The following LTK variants were observed in gnomAD, a reference collection of about 807,000 sequenced individuals.
LTK encodes leukocyte receptor tyrosine kinase, also known as leukocyte tyrosine kinase receptor.
Under a neutral mutation model 101.5 loss-of-function variants are expected in LTK, and 117 were observed. That is an observed-to-expected ratio of 1.15 (90% CI 0.99 to 1.34). LTK has a LOEUF of 1.34. Among genes scored for constraint, LTK ranks in the 40% most tolerant of loss-of-function variants. The probability of loss-of-function intolerance (pLI) is 0.00; values close to 1 mark genes in which losing one functional copy is unlikely to be tolerated. For synonymous variants in LTK, 563 were observed against 494.2 expected (o/e 1.14, Z -1.85); for missense variants, 1,252 against 1,164.7 (o/e 1.07, Z -1.09).
At position 41,507,294 on chromosome 15, in the gene LTK, G is replaced by A. The variant is rs199683834; in HGVS notation, c.1346-4C>T. 81 of 1,590,886 alleles carry A rather than the reference G, an allele frequency of 5.1e-5. No individual in the cohort carries two copies. Among genetic ancestry groups the A allele is most frequent in the Non-Finnish European group, 6.2e-5 (72 of 1,168,810 alleles). ...CCCTGCCACTTCTTCTGCTTCACTG[G>A]GGGTGGGAAGAATAACGGCACACCC... is the stretch of plus-strand genomic sequence containing the variant. On this transcript the variant is annotated splice_polypyrimidine_tract_variant and splice_region_variant and intron_variant, in intron 10 of 19. Coordinates refer to ENST00000263800, the MANE Select transcript of LTK (RefSeq NM_002344.6).
Position 41,511,134 on chromosome 15 carries a change from C to G in LTK, c.997+30G>C. The G allele has an allele frequency of 9.4e-6, 13 of 1,380,926 alleles. No homozygotes were observed. Among genetic ancestry groups the G allele is most frequent in the Non-Finnish European group, 1.2e-5 (13 of 1,073,134 alleles). The allele number at this position is 1,380,926 out of a possible 1,614,324, so 85.5% of individuals were successfully genotyped here. A position where few individuals can be genotyped will look rare whatever the true frequency, so the allele number is the denominator to read the frequency against. On this transcript the variant is annotated intron_variant, in intron 7 of 19. Transcript: ENST00000263800. The surrounding 1 kb of genome is among the most constrained non-coding windows in gnomAD (Gnocchi z 5.9). Reference sequence around the variant, plus strand: ...TAACATCACCTCACCCTCGGGCCTGCTCAGCTGCCCTCTCCAACGGTGCAC... The same window carrying G: ...TAACATCACCTCACCCTCGGGCCTGGTCAGCTGCCCTCTCCAACGGTGCAC...
At chr15:41,507,754 T>G (rs1322284146) in intron 9 of LTK, 97 bp from the exon 10 acceptor site, 36 of 1,304,070 alleles carry the variant, frequency 2.8e-5, no homozygotes, top group Middle Eastern at 1.9e-4. Context: ...AAGTGTTAAT[T>G]TTTCCATGAT....
Position 41,507,607 on chromosome 15 carries a change from T to G in LTK, c.1300A>C (p.Thr434Pro). The change falls in exon 10 of 20, where the codon ACC becomes CCC. Residue 434 changes from threonine (T) to proline (P), a missense_variant. By Grantham distance (38) the Thr-to-Pro change is conservative (BLOSUM62 -1). Transcript: ENST00000263800. ...ACCATAAGGAGGCTCAGTGTTGAGG[T>G]TGCCACCACAGCCACCATCAGAACC... is the stretch of plus-strand genomic sequence containing the variant. ...PLVLMVAVVA[T>P]STLSLLMVCG... is the part of the protein sequence containing the mutation. 6.2e-7 allele frequency: 1 copy of G among 1,613,906 alleles called. No individual in the cohort carries two copies. The highest frequency in any genetic ancestry group is 8.5e-7 in the Non-Finnish European group (1 of 1,179,976).
chr15:41,509,245 A>C, intron 7 of LTK, 116 bp from the exon 8 acceptor site: 2 of 726,510 alleles, frequency 2.8e-6, no homozygotes, highest in Non-Finnish European at 5.0e-6. Flanking sequence ...CATGATGCAA[A>C]TGCTGTCTGT....
chr15:41,511,133 G>A lies in LTK; in HGVS notation c.997+31C>T, dbSNP rs1425963632. Reference sequence around the variant, plus strand: ...CTAACATCACCTCACCCTCGGGCCTGCTCAGCTGCCCTCTCCAACGGTGCA... The same window carrying A: ...CTAACATCACCTCACCCTCGGGCCTACTCAGCTGCCCTCTCCAACGGTGCA... On this transcript the variant is annotated intron_variant, in intron 7 of 19. Transcript: ENST00000263800. The surrounding 1 kb of genome is among the most constrained non-coding windows in gnomAD (Gnocchi z 5.9). 2 of 1,379,840 alleles carry A rather than the reference G, an allele frequency of 1.4e-6. No homozygotes were observed. Among genetic ancestry groups the A allele is most frequent in the South Asian group, 1.8e-5 (1 of 56,194 alleles). 85.5% of individuals were successfully genotyped at this position (1,379,840 alleles called of 1,614,324 possible).
intron 7 of LTK, among the ~76,000 whole-genome samples, chr15:41,509,617 T>C (rs763146814): frequency 1.2e-4 from 19 of 152,074 alleles, no homozygotes; most frequent in Non-Finnish European, 2.2e-4. Context: ...TCCCAGCACT[T>C]TGGGAGGCCG....
intron 15 of LTK, 29 bp from the exon 16 acceptor site, chr15:41,505,093 C>T: frequency 6.3e-7 from 1 of 1,594,370 alleles, no homozygotes; most frequent in East Asian, 2.2e-5. Context: ...AAATCACTGC[C>T]AGAATCTAGA....
Position 41,507,292 on chromosome 15 carries a change from T to C in LTK, c.1346-2A>G, listed in dbSNP as rs2140709185. The stretch of plus-strand genomic sequence containing the variant: ...GGCCCTGCCACTTCTTCTGCTTCAC[T>C]GGGGGTGGGAAGAATAACGGCACAC... On this transcript the variant is annotated splice_acceptor_variant, in intron 10 of 19. Coordinates refer to ENST00000263800, the MANE Select transcript of LTK (RefSeq NM_002344.6). LOFTEE classifies it high-confidence loss of function. The C allele has an allele frequency of 6.3e-7, 1 of 1,592,960 alleles. No individual in the cohort carries two copies.
At position 41,505,048 on chromosome 15, in the gene LTK, T is replaced by G. The variant is rs752979534; in HGVS notation, c.1942A>C (p.Asn648His). The change falls in exon 16 of 20, where the codon AAC becomes CAC. Residue 648 changes from asparagine to histidine, a missense_variant. Asn to His is a moderately conservative substitution (Grantham distance 68). Coordinates refer to ENST00000263800, the MANE Select transcript of LTK (RefSeq NM_002344.6). ...GGTCCAGCGCAGCTCAGCAGGCAGTTCCGGGCGGCAATATCCCTACAGAGT... is the reference window on the plus strand; with the variant it reads ...GGTCCAGCGCAGCTCAGCAGGCAGTGCCGGGCGGCAATATCCCTACAGAGT... ...HFIHRDIAAR[N>H]CLLSCAGPSR... 3 of 1,613,300 alleles carry G rather than the reference T, an allele frequency of 1.9e-6. No individual in the cohort carries two copies. Among genetic ancestry groups the G allele is most frequent in the South Asian group, 1.1e-5 (1 of 91,024 alleles).
At chr15:41,510,461 GT>G (rs954084674) in intron 7 of LTK, among the ~76,000 whole-genome samples, 12 of 146,116 alleles carry the variant, frequency 8.2e-5, no homozygotes, top group South Asian at 4.5e-4. Flanking sequence ...AATTTCCATT[GT>G]TTTTTTTTTA....
rs759313855 is a variant in LTK, at chr15:41,504,564, G to A, written c.2197C>T (p.Leu733=). Reference sequence around the variant, plus strand: ...CGGCCTCCTCCAACGACGAAGTCCAGCACCTCCTGGTTGGTGCGCCCAGGA... The same window carrying A: ...CGGCCTCCTCCAACGACGAAGTCCAACACCTCCTGGTTGGTGCGCCCAGGA... ...PYPGRTNQEV[L]DFVVGGGRMD... The change falls in exon 18 of 20, where the codon CTG becomes TTG. Residue 733 remains leucine (L), a synonymous_variant. Coordinates refer to ENST00000263800, the MANE Select transcript of LTK (RefSeq NM_002344.6). 1 of 1,613,876 alleles carries A rather than the reference G, an allele frequency of 6.2e-7. No homozygotes were observed. The highest frequency in any genetic ancestry group is 1.1e-5 in the South Asian group (1 of 91,084).
Position 41,504,004 on chromosome 15 carries a change from G to C in LTK, c.2587C>G (p.Arg863Gly), listed in dbSNP as rs761960490. ...TCAGGGCCCCTTGGGGCTCAGGAGC[G>C]ATAAGTGGGATTCCAAAGGTTCTGA... ...QPQNLWNPTYRS is the reference protein window; with the variant it reads ...QPQNLWNPTYGS Residue 863 changes from arginine to glycine, a missense_variant, in exon 20 of 20, where the codon CGC becomes GGC. Physicochemically the swap from Arg to Gly is moderately radical, Grantham distance 125. Transcript: ENST00000263800. 2 of 1,603,850 alleles carry C rather than the reference G, an allele frequency of 1.2e-6. No homozygotes were observed. The highest frequency in any genetic ancestry group is 4.5e-5 in the East Asian group (2 of 44,756).
Position 41,511,744 on chromosome 15 carries a change from G to A in LTK, c.657+73C>T. The A allele has an allele frequency of 1.4e-6, 2 of 1,444,992 alleles. No individual in the cohort carries two copies. Among genetic ancestry groups the A allele is most frequent in the South Asian group, 2.8e-5 (2 of 71,792 alleles). 89.5% of individuals were successfully genotyped at this position (1,444,992 alleles called of 1,614,324 possible). A position where few individuals can be genotyped will look rare whatever the true frequency, so the allele number is the denominator to read the frequency against. ...GATAGGGGGACCCCAAGGGACGGAC[G>A]GAGAGCCGGTGCGTGAGCGCCCCTG... On this transcript the variant is annotated intron_variant, in intron 5 of 19. Coordinates refer to ENST00000263800, the MANE Select transcript of LTK (RefSeq NM_002344.6). This position sits in a 1 kb window ranked among gnomAD's most constrained non-coding sequence, Gnocchi z 5.9.
rs2051239089 is a variant in LTK, at chr15:41,505,386, A to G, written c.1827+15T>C. ...TCTTTAGAGGGGCCTGGGGGGGCTA[A>G]GACAAGGGTCTCACCAGGTGTGGCC... is the stretch of plus-strand genomic sequence containing the variant. On this transcript the variant is annotated intron_variant, in intron 14 of 19. Transcript: ENST00000263800. The G allele has an allele frequency of 3.1e-6, 5 of 1,613,916 alleles. No homozygotes were observed. In the East Asian group the frequency reaches 1.1e-4, roughly 36 times the overall value.
At position 41,505,419 on chromosome 15, in the gene LTK, C is replaced by A. The variant is rs1430794508; in HGVS notation, c.1809G>T (p.Arg603Ser). ...GTCTCACCAGGTGTGGCCGACTGTG[C>A]CTCAGGAAACTCTTCATGTCCCCTC... ...MSGGDMKSFL[R>S]HSRPHLGQPS... The change falls in exon 14 of 20, where the codon AGG becomes AGT. Residue 603 changes from arginine to serine, a missense_variant. By Grantham distance (110) the Arg-to-Ser change is moderately radical (BLOSUM62 -1). Transcript: ENST00000263800. The A allele has an allele frequency of 2.5e-6, 4 of 1,614,048 alleles. No individual in the cohort carries two copies. The South Asian group carries it at 4.4e-5, about 18-fold the overall frequency.
chr15:41,512,815 G>T lies in LTK; in HGVS notation c.251C>A (p.Thr84Lys), dbSNP rs1269810956. The change falls in exon 3 of 20, where the codon ACA becomes AAA. Residue 84 changes from threonine to lysine, a missense_variant. Physicochemically the swap from Thr to Lys is moderately conservative, Grantham distance 78. Coordinates refer to ENST00000263800, the MANE Select transcript of LTK (RefSeq NM_002344.6). ...CCCCGCGTACGCCCCGTCACATTGT[G>T]TCTGTGTGGGCCCATGCCGGCCGCT... ...GASGRHGPTQTQCDGAYAGTS... is the reference protein window; with the variant it reads ...GASGRHGPTQKQCDGAYAGTS... 6.2e-7 allele frequency: 1 copy of T among 1,612,698 alleles called. No homozygotes were observed. The highest frequency in any genetic ancestry group is 1.3e-5 in the African/African-American group (1 of 74,942).
In LTK at chr15:41,511,653, G is replaced by T. The variant is rs981618165; in HGVS notation, c.658-75C>A. ...GCACTGCCACTGGGAGAGGGCTCCCGCCCAGGGGGCCTGGATAAGGGCAGG... is the reference window on the plus strand; with the variant it reads ...GCACTGCCACTGGGAGAGGGCTCCCTCCCAGGGGGCCTGGATAAGGGCAGG... On this transcript the variant is annotated intron_variant, in intron 5 of 19. Coordinates refer to ENST00000263800, the MANE Select transcript of LTK (RefSeq NM_002344.6). This position sits in a 1 kb window ranked among gnomAD's most constrained non-coding sequence, Gnocchi z 5.9. 1.3e-5 allele frequency: 18 copies of T among 1,394,702 alleles called. No individual in the cohort carries two copies. The African/African-American group carries it at 2.6e-4, about 20-fold the overall frequency. The allele number at this position is 1,394,702 out of a possible 1,614,324, so 86.4% of individuals were successfully genotyped here. A position where few individuals can be genotyped will look rare whatever the true frequency, so the allele number is the denominator to read the frequency against.
At chr15:41,512,444 T>C (rs2051513084) in intron 3 of LTK, among the ~76,000 whole-genome samples, 179 bp from the exon 4 acceptor site, 4 of 152,208 alleles carry the variant, frequency 2.6e-5, no homozygotes, top group Non-Finnish European at 5.9e-5. Flanking sequence ...ATATTACACT[T>C]ATTTCAGGAG....
chr15:41,512,526 A>C (rs2051516390), intron 3 of LTK, among the ~76,000 whole-genome samples, 181 bp downstream of exon 3: 2 of 152,238 alleles, frequency 1.3e-5, no homozygotes, highest in Admixed American at 6.5e-5. Context: ...CGCTCGGTGT[A>C]AGAGGTTCCG....
Sources: gnomAD v4.1 joint callset for allele counts (sites outside exome capture counted in the v4.1 genomes callset) on GRCh38, gnomAD v4.1.1 for gene constraint, Gnocchi (gnomAD v3.1) non-coding constraint, MANE v1.5 for transcripts, NCBI Gene and HGNC (gene_info 2026-07-23, HGNC 2026-07-21) for gene names.